TNS3: variants seen among roughly 807,000 people sequenced by gnomAD.
The protein encoded by TNS3 is tensin-3.
Under a neutral mutation model 140.9 loss-of-function variants are expected in TNS3, and 45 were observed. The ratio of observed to expected loss-of-function variants is 0.32; its 90% CI spans 0.25 to 0.41. The LOEUF (loss-of-function observed/expected upper bound fraction) is 0.41, where lower values mean the gene tolerates loss of function less well. Ranked by LOEUF, TNS3 falls within the 10% of genes least tolerant of loss-of-function variation. The probability of loss-of-function intolerance (pLI) is 1.00; values close to 1 mark genes in which losing one functional copy is unlikely to be tolerated. For missense variants in TNS3, 1,716 were observed against 1,906.7 expected (o/e 0.90, Z 1.86); for synonymous variants, 815 against 788.4 (o/e 1.03, Z -0.56).
intron 20 of TNS3, among the ~76,000 whole-genome samples, chr7:47,336,152 T>C (rs1332036400): frequency 6.6e-6 from 1 of 151,056 alleles, no homozygotes; most frequent in Non-Finnish European, 1.5e-5. Flanking sequence ...CTTCAGCCTC[T>C]ATTCTTCATG....
Position 47,374,611 on chromosome 7 carries a change from G to C in TNS3, c.1025-4990C>G, listed in dbSNP as rs1479921400. On this transcript the variant is annotated intron_variant, in intron 16 of 30. Transcript: ENST00000311160. ...GACACCTAACAGAGGTGTGGAAGCA[G>C]GGTCACTGCATGGCTGACTGCCAGT... Among the ~76,000 whole-genome samples, 3 of 152,222 alleles carry C rather than the reference G, an allele frequency of 2.0e-5. No individual in the cohort carries two copies. The East Asian group carries it at 5.8e-4, about 29-fold the overall frequency.
intron 20 of TNS3, among the ~76,000 whole-genome samples, chr7:47,319,654 T>C (rs961320298): frequency 2.6e-5 from 4 of 152,172 alleles, no homozygotes; most frequent in Admixed American, 1.3e-4. Context: ...TCTCTTACCA[T>C]GACTTGAAAA....
intron 4 of TNS3, among the ~76,000 whole-genome samples, chr7:47,470,832 G>A (rs535171927): frequency 1.3e-5 from 2 of 152,280 alleles, no homozygotes; most frequent in African/African-American, 2.4e-5. Flanking sequence ...CCCTCCACCT[G>A]CAGAGGTGGG....
chr7:47,406,345 G>A (rs1284941047), intron 13 of TNS3, among the ~76,000 whole-genome samples: 1 of 152,184 alleles, frequency 6.6e-6, no homozygotes, highest in Non-Finnish European at 1.5e-5. Flanking sequence ...CTGAGTCCAG[G>A]GAGTGGCAAG....
At chr7:47,412,440 G>C (rs1326633681) in intron 12 of TNS3, among the ~76,000 whole-genome samples, 1 of 152,170 alleles carries the variant, frequency 6.6e-6, no homozygotes, top group African/African-American at 2.4e-5. Context: ...CTAACATAGT[G>C]AAACCCCGTC....
chr7:47,565,715 A>G (rs930416796), intron 1 of TNS3, among the ~76,000 whole-genome samples: 2 of 152,184 alleles, frequency 1.3e-5, no homozygotes, highest in African/African-American at 4.8e-5. Context: ...TGGGGGACAA[A>G]GTTAAATATA....
At chr7:47,389,184 C>A (rs148908988) in intron 16 of TNS3, among the ~76,000 whole-genome samples, 4,150 of 75,316 alleles carry the variant, frequency 0.055, 1,574 homozygotes, top group South Asian at 0.11. Context: ...GCAGAAGAAG[C>A]AGAAGAAGAA....
chr7:47,363,628 T>C (rs1415159796), intron 17 of TNS3, among the ~76,000 whole-genome samples: 1 of 152,160 alleles, frequency 6.6e-6, no homozygotes, highest in Non-Finnish European at 1.5e-5. Context: ...GTGTAGCAGT[T>C]TGTGTCCAGG....
chr7:47,522,711 G>A (rs996625431), intron 2 of TNS3, among the ~76,000 whole-genome samples: 3 of 152,174 alleles, frequency 2.0e-5, no homozygotes, highest in Non-Finnish European at 2.9e-5. Flanking sequence ...GGCGGATCAT[G>A]AGGTCAGGAG....
rs1473524554 is a variant in TNS3 at position 47,468,757 on chromosome 7, A to G, written c.-76+12346T>C. 2.0e-5 allele frequency among the ~76,000 whole-genome samples: 3 copies of G among 152,244 alleles called. No individual in the cohort carries two copies. In the East Asian group the frequency reaches 5.8e-4, roughly 29 times the overall value. On this transcript the variant is annotated intron_variant, in intron 4 of 30. Coordinates refer to ENST00000311160, the MANE Select transcript of TNS3 (RefSeq NM_022748.12). ...AAAAACTATTGTAAAATTCATATGGAACCAAAAAAGAGCCAAAATAGCCAA... is the reference window on the plus strand; with the variant it reads ...AAAAACTATTGTAAAATTCATATGGGACCAAAAAAGAGCCAAAATAGCCAA...
At chr7:47,536,956 C>A (rs1458327361) in intron 1 of TNS3, among the ~76,000 whole-genome samples, 1 of 152,124 alleles carries the variant, frequency 6.6e-6, no homozygotes, top group Non-Finnish European at 1.5e-5. Context: ...CGGCGCAGCC[C>A]ACGTGCGTGC....
At chr7:47,316,268 C>T (rs988591030) in intron 20 of TNS3, among the ~76,000 whole-genome samples, 3 of 152,142 alleles carry the variant, frequency 2.0e-5, no homozygotes, top group Non-Finnish European at 4.4e-5. Flanking sequence ...TATCCTTCTT[C>T]CATTACATTT....
chr7:47,357,029 A>G (rs1584472031), intron 17 of TNS3, among the ~76,000 whole-genome samples: 2 of 152,208 alleles, frequency 1.3e-5, no homozygotes, highest in South Asian at 4.1e-4. Flanking sequence ...TCAAGGATGC[A>G]GTGAGCTGTG....
intron 13 of TNS3, among the ~76,000 whole-genome samples, chr7:47,410,168 C>T (rs1017258436): frequency 8.5e-5 from 13 of 152,154 alleles, no homozygotes; most frequent in Non-Finnish European, 1.9e-4. Context: ...AACACCAGAG[C>T]GGATGTTTCT....
intron 5 of TNS3, among the ~76,000 whole-genome samples, 184 bp from the exon 6 acceptor site, chr7:47,439,842 T>C (rs370126688): frequency 3.4e-4 from 52 of 152,224 alleles, no homozygotes; most frequent in Middle Eastern, 3.4e-3. Flanking sequence ...CAGCGGGCAG[T>C]GTGGGGAGGG....
chr7:47,366,583 A>G (rs1462831331), intron 17 of TNS3, among the ~76,000 whole-genome samples: 1 of 152,198 alleles, frequency 6.6e-6, no homozygotes, highest in Non-Finnish European at 1.5e-5. Context: ...GCCAGGACCA[A>G]CATCTGCAGG....
Position 47,276,269 on chromosome 7 carries a change from A to G in TNS3, c.*1807T>C, listed in dbSNP as rs1376638399. ...GCACTTGGTTTGGTGCATCAATAGGAGCTAAAAAGTGGAATGGTCCACCTG... is the reference window on the plus strand; with the variant it reads ...GCACTTGGTTTGGTGCATCAATAGGGGCTAAAAAGTGGAATGGTCCACCTG... On this transcript the variant is annotated 3_prime_UTR_variant, in exon 31 of 31. Coordinates refer to ENST00000311160, the MANE Select transcript of TNS3 (RefSeq NM_022748.12). The G allele has an allele frequency of 5.5e-6, 1 of 183,428 alleles. No homozygotes were observed. Among genetic ancestry groups the G allele is most frequent in the Non-Finnish European group, 1.1e-5 (1 of 87,288 alleles). 11.4% of individuals were successfully genotyped at this position (183,428 alleles called of 1,614,324 possible).
chr7:47,558,880 C>A lies in TNS3; in HGVS notation c.-265+23171G>T, dbSNP rs1004359936. Among the ~76,000 whole-genome samples, 43 of 152,308 alleles carry A rather than the reference C, an allele frequency of 2.8e-4. 2 individuals are homozygous for A. The highest frequency in any genetic ancestry group is 1.2e-4 in the African/African-American group (5 of 41,574). ...TGAGCAGGAGGAAGCTTTGCATGAC[C>A]CCCTCGAGCCCTTCCACTCACCTGG... On this transcript the variant is annotated intron_variant, in intron 1 of 30. Transcript: ENST00000311160.
chr7:47,373,333 T>C (rs956725505), intron 16 of TNS3, among the ~76,000 whole-genome samples: 7 of 152,230 alleles, frequency 4.6e-5, no homozygotes, highest in African/African-American at 1.7e-4. Context: ...GAATGAAAGA[T>C]ACAAAGATGC....
Sources: gnomAD v4.1 joint callset for allele counts (sites outside exome capture counted in the v4.1 genomes callset) on GRCh38, gnomAD v4.1.1 for gene constraint, MANE v1.5 for transcripts, NCBI Gene and HGNC (gene_info 2026-07-23, HGNC 2026-07-21) for gene names.